The following SNAP25 variants were observed in gnomAD, a reference collection of about 807,000 sequenced individuals.
SNAP25 encodes the protein synaptosomal-associated protein 25.
A neutral mutation model predicts 28.7 loss-of-function variants in SNAP25; 3 were observed. That is an observed-to-expected ratio of 0.10 (90% CI 0.05 to 0.27). The LOEUF is 0.27. Among genes scored for constraint, SNAP25 ranks in the 10% least tolerant of loss-of-function variants. The probability of loss-of-function intolerance (pLI) is 1.00; values close to 1 mark genes in which losing one functional copy is unlikely to be tolerated. For synonymous variants in SNAP25, 61 were observed against 88.1 expected (o/e 0.69, Z 1.72); for missense variants, 117 against 278.7 (o/e 0.42, Z 4.13).
intron 1 of SNAP25, among the ~76,000 whole-genome samples, chr20:10,221,275 G>T (rs939614272): frequency 1.3e-5 from 2 of 152,136 alleles, no homozygotes; most frequent in Non-Finnish European, 2.9e-5. Flanking sequence ...GTAGAGGACC[G>T]CAGTGAAGAT....
At chr20:10,305,744 A>G (rs1371444453) in intron 7 of SNAP25, among the ~76,000 whole-genome samples, 1 of 152,174 alleles carries the variant, frequency 6.6e-6, no homozygotes, top group African/African-American at 2.4e-5. Context: ...ATCCTACAGT[A>G]TAAGAAGTGT....
chr20:10,285,686 G>A (rs143670687), intron 4 of SNAP25, among the ~76,000 whole-genome samples: 1 of 151,776 alleles, frequency 6.6e-6, no homozygotes, highest in African/African-American at 2.4e-5. Context: ...CTCAAGCTGT[G>A]GGGGGGAACG....
intron 3 of SNAP25, among the ~76,000 whole-genome samples, chr20:10,281,269 A>C (rs16991334): frequency 6.6e-6 from 1 of 152,118 alleles, no homozygotes; most frequent in Non-Finnish European, 1.5e-5. Flanking sequence ...AAAACATAAT[A>C]CTATTTAAGG....
intron 1 of SNAP25, among the ~76,000 whole-genome samples, chr20:10,263,790 C>G (rs1400954441): frequency 6.6e-6 from 1 of 152,152 alleles, no homozygotes; most frequent in African/African-American, 2.4e-5. Context: ...GGGCGGTTCT[C>G]CACTCCAGCT....
intron 3 of SNAP25, among the ~76,000 whole-genome samples, chr20:10,282,618 CT>C (rs1189025620): frequency 3.9e-5 from 6 of 152,166 alleles, no homozygotes; most frequent in African/African-American, 1.4e-4. Flanking sequence ...CAGATGAGGG[CT>C]GGACTGACCA....
chr20:10,288,618 G>A (rs1048899108), intron 4 of SNAP25, among the ~76,000 whole-genome samples: 15 of 151,922 alleles, frequency 9.9e-5, no homozygotes, highest in Admixed American at 6.6e-4. Flanking sequence ...TAATGTTCTC[G>A]GCTAAGACAT....
intron 4 of SNAP25, among the ~76,000 whole-genome samples, chr20:10,285,921 G>A (rs1463396843): frequency 6.6e-6 from 1 of 152,096 alleles, no homozygotes; most frequent in African/African-American, 2.4e-5. Context: ...GAATATGTTG[G>A]GAAAACAGAA....
intron 1 of SNAP25, among the ~76,000 whole-genome samples, chr20:10,267,556 C>A (rs13039881): frequency 0.022 from 3,265 of 150,328 alleles, 96 homozygotes; most frequent in African/African-American, 0.072. Context: ...TTGTTTGTTT[C>A]TTTGTTTGTT....
In SNAP25 at chr20:10,275,503, C is replaced by T. The variant is rs769285280; in HGVS notation, c.12C>T (p.Asp4=). ...TCCCCACCGCTACCATGGCCGAAGA[C>T]GCAGACATGCGCAATGAGCTGGAGG... MAE[D]ADMRNELEEM... is the part of the protein sequence containing the mutation. The change falls in exon 2 of 8, where the codon GAC becomes GAT. Residue 4 remains aspartate, a synonymous_variant. Transcript: ENST00000254976. 6 of 1,604,990 alleles carry T rather than the reference C, an allele frequency of 3.7e-6. No homozygotes were observed. The highest frequency in any genetic ancestry group is 2.2e-5 in the East Asian group (1 of 44,688).
At chr20:10,266,363 G>T (rs908934357) in intron 1 of SNAP25, among the ~76,000 whole-genome samples, 1 of 152,250 alleles carries the variant, frequency 6.6e-6, no homozygotes, top group Non-Finnish European at 1.5e-5. Context: ...ACCCATTTTT[G>T]ATCATATTCC....
At chr20:10,242,281 C>T (rs2063048693) in intron 1 of SNAP25, among the ~76,000 whole-genome samples, 1 of 152,164 alleles carries the variant, frequency 6.6e-6, no homozygotes, top group African/African-American at 2.4e-5. Context: ...CAGCTGATCC[C>T]AGAGGAGCCC....
intron 1 of SNAP25, among the ~76,000 whole-genome samples, chr20:10,258,550 G>T (rs538712363): frequency 6.6e-6 from 1 of 152,110 alleles, no homozygotes; most frequent in African/African-American, 2.4e-5. Context: ...CAGAACATGC[G>T]CTCTGTGTGG....
intron 3 of SNAP25, among the ~76,000 whole-genome samples, chr20:10,281,131 G>T (rs1312329420): frequency 1.3e-5 from 2 of 152,106 alleles, no homozygotes; most frequent in African/African-American, 4.8e-5. Context: ...AAATGGAAAA[G>T]AAAAAGTAAT....
chr20:10,300,020 T>A (rs895947738), intron 7 of SNAP25, among the ~76,000 whole-genome samples: 1 of 152,156 alleles, frequency 6.6e-6, no homozygotes, highest in Non-Finnish European at 1.5e-5. Context: ...TAATGAGAAT[T>A]CAAAAATATC....
intron 4 of SNAP25, chr20:10,292,761 C>T: frequency 1.4e-6 from 1 of 692,112 alleles, no homozygotes; most frequent in Admixed American, 2.6e-5. Flanking sequence ...ACAATGCATC[C>T]TCTTGGACAA....
At chr20:10,229,043 G>C (rs1485251341) in intron 1 of SNAP25, among the ~76,000 whole-genome samples, 1 of 152,064 alleles carries the variant, frequency 6.6e-6, no homozygotes, top group Non-Finnish European at 1.5e-5. Flanking sequence ...GTAATGTTTA[G>C]ATACCTGAAG....
chr20:10,241,211 G>A (rs1276948995), intron 1 of SNAP25, among the ~76,000 whole-genome samples: 1 of 152,052 alleles, frequency 6.6e-6, no homozygotes, highest in Non-Finnish European at 1.5e-5. Context: ...TGCAGTGGGG[G>A]AAGTGAGGGC....
At chr20:10,239,882 A>G (rs1325072230) in intron 1 of SNAP25, among the ~76,000 whole-genome samples, 5 of 152,190 alleles carry the variant, frequency 3.3e-5, no homozygotes, top group African/African-American at 9.7e-5. Context: ...AGGCAGCAGC[A>G]AGAACCTACA....
At chr20:10,281,414 G>T (rs2103614) in intron 3 of SNAP25, among the ~76,000 whole-genome samples, 1 of 152,140 alleles carries the variant, frequency 6.6e-6, no homozygotes, top group African/African-American at 2.4e-5. Context: ...GGAGCCAAAC[G>T]CAAGTTCTAA....
Sources: gnomAD v4.1 joint callset for allele counts (sites outside exome capture counted in the v4.1 genomes callset) on GRCh38, gnomAD v4.1.1 for gene constraint, MANE v1.5 for transcripts, NCBI Gene and HGNC (gene_info 2026-07-23, HGNC 2026-07-21) for gene names.